Variants in EXOSC10 observed in about 807,000 individuals in gnomAD.
EXOSC10 encodes exosome complex component 10.
EXOSC10 carries 94 observed loss-of-function variants against 126.6 expected under a neutral mutation model. The ratio of observed to expected loss-of-function variants is 0.74; its 90% confidence interval spans 0.63 to 0.88. The LOEUF is 0.88. Among genes scored for constraint, EXOSC10 ranks in the 40% least tolerant of loss-of-function variants. The pLI, the probability that EXOSC10 is intolerant of heterozygous loss-of-function variation, is 0.00. For missense variants in EXOSC10, 1,041 were observed against 1,100.5 expected (o/e 0.95, Z 0.77); for synonymous variants, 395 against 400.8 (o/e 0.99, Z 0.17).
intron 2 of EXOSC10, among the ~76,000 whole-genome samples, chr1:11,097,140 G>A (rs1208045823): frequency 1.3e-5 from 2 of 151,976 alleles, no homozygotes; most frequent in South Asian, 2.1e-4. Flanking sequence ...ATCTTGGGAG[G>A]TGGAGGTTGC....
intron 10 of EXOSC10, chr1:11,082,454 T>A (rs1174609948): frequency 7.5e-6 from 8 of 1,072,608 alleles, no homozygotes; most frequent in Non-Finnish European, 1.0e-5. Context: ...CACCTCTTTT[T>A]CAACCACTAT....
At chr1:11,074,100 T>A (rs2748876) in intron 18 of EXOSC10, 92 bp from the exon 19 acceptor site, 169 of 1,401,514 alleles carry the variant, frequency 1.2e-4, no homozygotes, top group South Asian at 3.1e-4. Context: ...TGCTGGTGCC[T>A]TGTCAGCGTC....
Position 11,077,622 on chromosome 1 carries a change from G to C in EXOSC10, c.1779C>G (p.Ser593Arg). The change falls in exon 15 of 25, where the codon AGC becomes AGG. Residue 593 changes from serine to arginine, a missense_variant. By Grantham distance (110) the Ser-to-Arg change is moderately radical (BLOSUM62 -1). This residue lies in a region of EXOSC10 where 388 missense variants were observed against 415.2 expected (regional missense o/e 0.93). Transcript: ENST00000376936. ...KSEVAAGVKK[S>R]GPLPSAERLE... The stretch of plus-strand genomic sequence containing the variant: ...CTACCTCAGCACTGGGCAGCGGTCC[G>C]CTCTTCTTCACTCCGGCTGCAACTT... The C allele has an allele frequency of 6.2e-7, 1 of 1,612,204 alleles. No individual in the cohort carries two copies. The highest frequency in any genetic ancestry group is 2.2e-5 in the East Asian group (1 of 44,790).
intron 2 of EXOSC10, 49 bp downstream of exon 2, chr1:11,097,968 CTTT>C (rs1357176553): frequency 4.2e-6 from 6 of 1,436,730 alleles, no homozygotes; most frequent in Middle Eastern, 1.8e-4. Flanking sequence ...TTATCTACTT[CTTT>C]GTTTTCATTT....
chr1:11,074,464 G>A, intron 17 of EXOSC10, 138 bp from the exon 18 acceptor site: 1 of 609,356 alleles, frequency 1.6e-6, no homozygotes. Context: ...CCAGGCTGGA[G>A]TACAGTGGTG....
chr1:11,068,892 G>T, intron 22 of EXOSC10, 186 bp from the exon 23 acceptor site: 1 of 604,986 alleles, frequency 1.7e-6, no homozygotes, highest in Non-Finnish European at 2.9e-6. Context: ...GTCCCTGTGG[G>T]CAGTCTGAAA....
At chr1:11,087,413 A>G in intron 9 of EXOSC10, 35 bp downstream of exon 9, 1 of 1,612,598 alleles carries the variant, frequency 6.2e-7, no homozygotes, top group African/African-American at 1.3e-5. Context: ...ATCTTGTATG[A>G]GCTCACATGC....
At chr1:11,071,058 A>G (rs566540097) in intron 20 of EXOSC10, 85 bp from the exon 21 acceptor site, 265 of 1,278,598 alleles carry the variant, frequency 2.1e-4, no homozygotes, top group Non-Finnish European at 2.7e-4. Context: ...GACTTGGCCT[A>G]GCCACAGGGG....
intron 9 of EXOSC10, 142 bp from the exon 10 acceptor site, chr1:11,083,020 G>C: frequency 1.5e-6 from 1 of 684,608 alleles, no homozygotes. Flanking sequence ...GTGTGATCTT[G>C]GCTCACTGCA....
At chr1:11,072,698 T>G (rs1262498709) in intron 19 of EXOSC10, 1 of 152,512 alleles carries the variant, frequency 6.6e-6, no homozygotes, top group East Asian at 1.9e-4. Context: ...AAGCCCCACC[T>G]GATTCCCCAT....
chr1:11,073,347 T>C (rs1233129438), intron 19 of EXOSC10, among the ~76,000 whole-genome samples: 2 of 152,046 alleles, frequency 1.3e-5, no homozygotes, highest in African/African-American at 2.4e-5. Flanking sequence ...TTAGCCAGGA[T>C]GGTTTCGATC....
intron 23 of EXOSC10, 56 bp from the exon 24 acceptor site, chr1:11,068,140 A>G: frequency 7.1e-7 from 1 of 1,417,246 alleles, no homozygotes; most frequent in African/African-American, 1.4e-5. Context: ...CAAGATACAC[A>G]GAAAAACACA....
chr1:11,067,784 C>T (rs564019799), intron 24 of EXOSC10, among the ~76,000 whole-genome samples: 56 of 152,236 alleles, frequency 3.7e-4, no homozygotes, highest in Non-Finnish European at 5.1e-4. Flanking sequence ...GAATCTGAGT[C>T]CTGGGGTGCA....
chr1:11,091,352 TTGTGTA>T lies in EXOSC10; in HGVS notation c.477+135_477+140del, dbSNP rs1406124190. ...AAGAGAAGAAGAGGGTGTAATTAGT[TTGTGTA>T]TGTTTATGAGAACAAACTAAAGGAG... On this transcript the variant is annotated intron_variant, in intron 4 of 24. Transcript: ENST00000376936. 22 of 915,094 alleles carry T rather than the reference TTGTGTA, an allele frequency of 2.4e-5. No individual in the cohort carries two copies. In the South Asian group the frequency reaches 3.1e-4, roughly 13 times the overall value. 56.7% of individuals were successfully genotyped at this position (915,094 alleles called of 1,614,324 possible).
chr1:11,093,738 A>T (rs969156436), intron 3 of EXOSC10, among the ~76,000 whole-genome samples: 1 of 152,150 alleles, frequency 6.6e-6, no homozygotes, highest in African/African-American at 2.4e-5. Context: ...TGGTTGGGTG[A>T]TATAAATGCC....
intron 2 of EXOSC10, among the ~76,000 whole-genome samples, chr1:11,097,704 C>T (rs1570870140): frequency 6.7e-6 from 1 of 150,102 alleles, no homozygotes; most frequent in Non-Finnish European, 1.5e-5. Flanking sequence ...CCAGCCTGGG[C>T]AATAGAGCGA....
At chr1:11,092,283 C>G (rs1468445595) in intron 3 of EXOSC10, among the ~76,000 whole-genome samples, 1 of 151,928 alleles carries the variant, frequency 6.6e-6, no homozygotes, top group Non-Finnish European at 1.5e-5. Context: ...ATGGCGTGAT[C>G]TCAGCTAATT....
intron 2 of EXOSC10, among the ~76,000 whole-genome samples, chr1:11,096,470 TC>T (rs369010140): frequency 1.8e-3 from 225 of 127,016 alleles, no homozygotes; most frequent in African/African-American, 5.5e-3. Context: ...TTTCTTTCTT[TC>T]TTTTTTTTTT....
chr1:11,069,813 A>T, intron 21 of EXOSC10, 83 bp from the exon 22 acceptor site: 6 of 1,441,674 alleles, frequency 4.2e-6, no homozygotes, highest in Non-Finnish European at 5.7e-6. Flanking sequence ...AATAGCTGGG[A>T]CCCAGCTGCC....
Sources: gnomAD v4.1 joint callset for allele counts (sites outside exome capture counted in the v4.1 genomes callset) on GRCh38, gnomAD v4.1.1 for gene constraint, gnomAD v4.1.1 regional missense constraint, MANE v1.5 for transcripts, NCBI Gene and HGNC (gene_info 2026-07-23, HGNC 2026-07-21) for gene names.